The following ARFIP1 variants were observed in gnomAD, a reference collection of about 807,000 sequenced individuals.
ARFIP1 encodes ARF interacting protein 1.
In ARFIP1, 24 loss-of-function variants were observed where a neutral mutation model predicts 42.5. That is an observed-to-expected ratio of 0.57 (90% CI 0.41 to 0.80). The LOEUF is 0.80. Ranked by LOEUF, ARFIP1 falls within the 30% of genes least tolerant of loss-of-function variation. The probability of loss-of-function intolerance (pLI) is 0.00; values close to 1 mark genes in which losing one functional copy is unlikely to be tolerated. For synonymous variants in ARFIP1, 141 were observed against 153.7 expected (o/e 0.92, Z 0.61); for missense variants, 354 against 434.0 (o/e 0.82, Z 1.64).
At chr4:152,903,098 GA>G (rs1216802673) in intron 8 of ARFIP1, among the ~76,000 whole-genome samples, 5 of 152,206 alleles carry the variant, frequency 3.3e-5, no homozygotes, top group African/African-American at 1.2e-4. Flanking sequence ...AAAATGTTCT[GA>G]GGATTCTCTG....
rs202111498 is a variant in ARFIP1 at position 152,829,687 on chromosome 4, T to C, written c.54T>C (p.Asn18=). The change falls in exon 2 of 9, where the codon AAT becomes AAC. Residue 18 remains asparagine (N), a synonymous_variant. Coordinates refer to ENST00000353617, the MANE Select transcript of ARFIP1 (RefSeq NM_001025595.3). ...CAGCAGAAATTCCAGTGACTAGTAA[T>C]GGAGAAGTTGATGACTCTCGTGAAC... ...NSAAEIPVTS[N]GEVDDSREHS... 5 of 1,612,258 alleles carry C rather than the reference T, an allele frequency of 3.1e-6. No homozygotes were observed. The highest frequency in any genetic ancestry group is 2.2e-5 in the East Asian group (1 of 44,774).
chr4:152,821,815 G>A (rs977838565), intron 1 of ARFIP1, among the ~76,000 whole-genome samples: 4 of 152,178 alleles, frequency 2.6e-5, no homozygotes, highest in African/African-American at 9.7e-5. Flanking sequence ...TAAGCCAGAA[G>A]GGATTGGGGT....
chr4:152,821,457 T>G (rs917539327), intron 1 of ARFIP1, among the ~76,000 whole-genome samples: 5 of 151,238 alleles, frequency 3.3e-5, no homozygotes, highest in African/African-American at 9.7e-5. Flanking sequence ...ACAGAAGAAT[T>G]AAAAGAAATG....
chr4:152,907,186 C>T (rs985247899), intron 8 of ARFIP1, among the ~76,000 whole-genome samples: 2 of 152,146 alleles, frequency 1.3e-5, no homozygotes, highest in South Asian at 2.1e-4. Context: ...AAGTGCCTGA[C>T]ACATAACAGT....
At chr4:152,884,386 C>A (rs893059973) in intron 7 of ARFIP1, among the ~76,000 whole-genome samples, 5 of 151,774 alleles carry the variant, frequency 3.3e-5, no homozygotes, top group African/African-American at 1.2e-4. Flanking sequence ...TTTACTTGAT[C>A]CTTTTCTAAA....
intron 5 of ARFIP1, 22 bp from the exon 6 acceptor site, chr4:152,880,941 A>T (rs756154277): frequency 6.3e-7 from 1 of 1,580,438 alleles, no homozygotes. Flanking sequence ...CTTTCTAAAC[A>T]AAATGCATCT....
At chr4:152,822,775 T>C (rs1462382236) in intron 1 of ARFIP1, among the ~76,000 whole-genome samples, 2 of 152,092 alleles carry the variant, frequency 1.3e-5, no homozygotes, top group African/African-American at 4.8e-5. Flanking sequence ...AAACCATACA[T>C]AGACATGGAA....
At chr4:152,818,156 C>T (rs1390817464) in intron 1 of ARFIP1, among the ~76,000 whole-genome samples, 9 of 152,186 alleles carry the variant, frequency 5.9e-5, no homozygotes, top group Non-Finnish European at 1.5e-5. Flanking sequence ...TAGAAATTCA[C>T]ACTGTGAACA....
rs1199351330 is a variant in ARFIP1, at chr4:152,864,271, C to G, written c.202+557C>G. Among the ~76,000 whole-genome samples the G allele has an allele frequency of 3.9e-5, 6 of 152,166 alleles. 1 individual carries two copies. Among genetic ancestry groups the G allele is most frequent in the Non-Finnish European group, 5.9e-5 (4 of 68,036 alleles). On this transcript the variant is annotated intron_variant, in intron 3 of 8. Transcript: ENST00000353617. ...CTTATGATTGATCTTGCCTCAGTTT[C>G]TGACTCTTCCAAGCTGTTCTTACAT...
intron 8 of ARFIP1, among the ~76,000 whole-genome samples, chr4:152,900,432 T>C (rs572617920): frequency 1.6e-4 from 25 of 152,284 alleles, no homozygotes; most frequent in Admixed American, 7.2e-4. Flanking sequence ...AACCTTCTGC[T>C]TGTCAGTGAT....
intron 1 of ARFIP1, among the ~76,000 whole-genome samples, chr4:152,809,042 A>T (rs1477229941): frequency 6.6e-6 from 1 of 151,962 alleles, no homozygotes; most frequent in African/African-American, 2.4e-5. Flanking sequence ...ACAGAGGAAG[A>T]CCCGTCTCAA....
chr4:152,849,449 T>A (rs1307337929), intron 2 of ARFIP1, among the ~76,000 whole-genome samples: 3 of 152,178 alleles, frequency 2.0e-5, no homozygotes, highest in Non-Finnish European at 4.4e-5. Context: ...TAGATACATA[T>A]AAATATTTCC....
intron 1 of ARFIP1, among the ~76,000 whole-genome samples, chr4:152,829,213 G>A (rs1179426101): frequency 1.3e-5 from 2 of 152,158 alleles, no homozygotes; most frequent in African/African-American, 2.4e-5. Flanking sequence ...CTAGTGATCT[G>A]TTACCAACCT....
At chr4:152,903,948 T>TA (rs1272753247) in intron 8 of ARFIP1, among the ~76,000 whole-genome samples, 1 of 152,180 alleles carries the variant, frequency 6.6e-6, no homozygotes, top group African/African-American at 2.4e-5. Flanking sequence ...TCTAGACTAT[T>TA]AACAGCAGCT....
intron 2 of ARFIP1, among the ~76,000 whole-genome samples, chr4:152,847,293 C>T (rs577175635): frequency 5.9e-5 from 9 of 151,464 alleles, no homozygotes; most frequent in Admixed American, 2.6e-4. Flanking sequence ...CCACCACGCC[C>T]GGCTAATTTT....
rs189050734 is a variant in ARFIP1, at chr4:152,796,471, C to T, written c.-10+16245C>T. 848 of 732,380 alleles carry T rather than the reference C, an allele frequency of 1.2e-3. 4 individuals carry two copies. Among genetic ancestry groups the T allele is most frequent in the African/African-American group, 8.8e-3 (502 of 56,898 alleles). The allele number at this position is 732,380 out of a possible 1,614,324, so 45.4% of individuals were successfully genotyped here. ...GCTTCTGTTTCTCCCTGGGCACATA[C>T]TTTAGGCAGAGGGACTTCCCATTTT... On this transcript the variant is annotated intron_variant, in intron 1 of 8. Coordinates refer to ENST00000353617, the MANE Select transcript of ARFIP1 (RefSeq NM_001025595.3).
chr4:152,832,943 C>G (rs1731363378), intron 2 of ARFIP1, among the ~76,000 whole-genome samples: 1 of 152,028 alleles, frequency 6.6e-6, no homozygotes, highest in Non-Finnish European at 1.5e-5. Context: ...TATAAAACTT[C>G]TAGAAGAAAA....
intron 1 of ARFIP1, among the ~76,000 whole-genome samples, chr4:152,792,401 T>C (rs1174761016): frequency 7.2e-6 from 1 of 139,354 alleles, no homozygotes; most frequent in African/African-American, 2.8e-5. Context: ...AGATTCTATA[T>C]TTAGTGAAAA....
intron 1 of ARFIP1, among the ~76,000 whole-genome samples, chr4:152,798,441 A>G (rs1731606583): frequency 6.6e-6 from 1 of 152,118 alleles, no homozygotes; most frequent in African/African-American, 2.4e-5. Flanking sequence ...TGGGTTTCGA[A>G]TGGGTGTTGA....
Sources: gnomAD v4.1 joint callset for allele counts (sites outside exome capture counted in the v4.1 genomes callset) on GRCh38, gnomAD v4.1.1 for gene constraint, MANE v1.5 for transcripts, NCBI Gene and HGNC (gene_info 2026-07-23, HGNC 2026-07-21) for gene names.